The following ZNF775 variants were observed in gnomAD, a reference collection of about 807,000 sequenced individuals.
The protein encoded by ZNF775 is zinc finger protein 775.
ZNF775 carries 1 observed loss-of-function variant against 2.4 expected under a neutral mutation model. The ratio of observed to expected loss-of-function variants is 0.41; its 90% CI spans 0.15 to 1.94. ZNF775 has a LOEUF of 1.94. Among genes scored for constraint, ZNF775 ranks in the 30% most tolerant of loss-of-function variants. ZNF775 has a pLI of 0.30. For missense variants in ZNF775, 823 were observed against 826.6 expected (o/e 1.00, Z 0.05); for synonymous variants, 381 against 373.3 (o/e 1.02, Z -0.24).
chr7:150,380,628 T>C (rs1585082281), intron 1 of ZNF775, among the ~76,000 whole-genome samples: 1 of 151,930 alleles, frequency 6.6e-6, no homozygotes, highest in Admixed American at 6.6e-5. Flanking sequence ...CGTGTCGGGG[T>C]GCAATGGGGA....
chr7:150,386,468 G>A (rs559707750), intron 1 of ZNF775, among the ~76,000 whole-genome samples: 19 of 152,258 alleles, frequency 1.2e-4, no homozygotes, highest in Non-Finnish European at 2.2e-4. Context: ...CTCTTGTCAG[G>A]GTCCAGATTC....
intron 1 of ZNF775, among the ~76,000 whole-genome samples, chr7:150,381,227 C>T (rs74916550): frequency 6.6e-6 from 1 of 152,006 alleles, no homozygotes; most frequent in Non-Finnish European, 1.5e-5. Flanking sequence ...TTCCAGCAAG[C>T]GTGTTTACCT....
Position 150,397,832 on chromosome 7 carries a change from TGCG to T in ZNF775, c.1354_1356del (p.Gly452del). 1 of 1,599,530 alleles carries T rather than the reference TGCG, an allele frequency of 6.3e-7. No homozygotes were observed. Among genetic ancestry groups the T allele is most frequent in the Non-Finnish European group, 8.5e-7 (1 of 1,176,736 alleles). ...GCCGCGCCAGTTCATCTGCAACGAG[TGCG>T]GCAAGAGCTTCTCGTGGTGGTCGGC... On this transcript the variant is annotated inframe_deletion, in exon 3 of 3. Transcript: ENST00000329630.
intron 2 of ZNF775, 26 bp downstream of exon 2, chr7:150,388,527 G>A: frequency 1.3e-6 from 2 of 1,551,622 alleles, no homozygotes; most frequent in Non-Finnish European, 1.7e-6. Flanking sequence ...GAGGAGGCAG[G>A]GGAGCGGGGT....
chr7:150,395,346 G>A (rs1800629678), intron 2 of ZNF775, among the ~76,000 whole-genome samples: 1 of 152,070 alleles, frequency 6.6e-6, no homozygotes, highest in African/African-American at 2.4e-5. Flanking sequence ...ATTTTGTTGG[G>A]TTTGTAACGT....
At position 150,388,348 on chromosome 7, in the gene ZNF775, G is replaced by T. The variant is rs142567786; in HGVS notation, c.-49-74G>T. The T allele has an allele frequency of 6.9e-3, 8,056 of 1,163,934 alleles. 42 individuals are homozygous for T. The highest frequency in any genetic ancestry group is 8.6e-3 in the Non-Finnish European group (6,943 of 807,560). The allele number at this position is 1,163,934 out of a possible 1,614,324, so 72.1% of individuals were successfully genotyped here. On this transcript the variant is annotated intron_variant, in intron 1 of 2. Coordinates refer to ENST00000329630, the MANE Select transcript of ZNF775 (RefSeq NM_173680.4). The stretch of plus-strand genomic sequence containing the variant: ...AAAGAGAGTGCTTTATGGGATGGGA[G>T]GGGGGCTGGGGACCCTGAGTTTTGT...
At chr7:150,395,522 C>T (rs973861778) in intron 2 of ZNF775, among the ~76,000 whole-genome samples, 3 of 152,224 alleles carry the variant, frequency 2.0e-5, no homozygotes, top group Non-Finnish European at 4.4e-5. Context: ...GAGAACATTG[C>T]CAGAACCTCA....
At chr7:150,386,094 C>G (rs993906877) in intron 1 of ZNF775, among the ~76,000 whole-genome samples, 4 of 152,260 alleles carry the variant, frequency 2.6e-5, no homozygotes, top group Middle Eastern at 6.8e-3. Flanking sequence ...TGCCACTACA[C>G]CCAGCTAAGT....
At chr7:150,381,601 G>A (rs1420431268) in intron 1 of ZNF775, among the ~76,000 whole-genome samples, 1 of 116,180 alleles carries the variant, frequency 8.6e-6, no homozygotes, top group East Asian at 2.9e-4. Flanking sequence ...TCTGTACCAC[G>A]AGCAAGCGTT....
intron 2 of ZNF775, among the ~76,000 whole-genome samples, chr7:150,396,195 G>T (rs1281218387): frequency 2.6e-5 from 4 of 152,092 alleles, no homozygotes; most frequent in African/African-American, 9.7e-5. Flanking sequence ...CAGAGCAGCC[G>T]GTGCCTCGGG....
chr7:150,394,170 T>C (rs4725339), intron 2 of ZNF775, among the ~76,000 whole-genome samples: 62,541 of 152,188 alleles, frequency 0.41, 13,425 homozygotes, highest in Admixed American at 0.48. Context: ...TCTAAGAATA[T>C]GATATACATT....
chr7:150,396,468 C>T (rs759355950), intron 2 of ZNF775, 45 bp from the exon 3 acceptor site: 1 of 1,527,194 alleles, frequency 6.5e-7, no homozygotes, highest in South Asian at 1.2e-5. Flanking sequence ...CCCAGCGGAG[C>T]AGCAGTGACC....
chr7:150,388,962 G>A (rs1003003645), intron 2 of ZNF775, among the ~76,000 whole-genome samples: 6 of 152,240 alleles, frequency 3.9e-5, no homozygotes, highest in South Asian at 2.1e-4. Context: ...TGGCTAAGCC[G>A]CTTAGAGCTG....
Position 150,388,502 on chromosome 7 carries a change from G to T in ZNF775, c.31+1G>T. ...AGTGGCCTGGCTGGCAACGGCACAGGTAAGAGAGAAGAAAGAGGAGGCAGG... is the reference window on the plus strand; with the variant it reads ...AGTGGCCTGGCTGGCAACGGCACAGTTAAGAGAGAAGAAAGAGGAGGCAGG... On this transcript the variant is annotated splice_donor_variant, in intron 2 of 2. Coordinates refer to ENST00000329630, the MANE Select transcript of ZNF775 (RefSeq NM_173680.4). LOFTEE classifies it high-confidence loss of function. 1.3e-6 allele frequency: 2 copies of T among 1,551,872 alleles called. No individual in the cohort carries two copies. The highest frequency in any genetic ancestry group is 1.7e-6 in the Non-Finnish European group (2 of 1,147,074).
At chr7:150,388,535 G>C in intron 2 of ZNF775, 34 bp downstream of exon 2, 37 of 1,551,352 alleles carry the variant, frequency 2.4e-5, no homozygotes, top group Non-Finnish European at 3.2e-5. Flanking sequence ...AGGGGAGCGG[G>C]GTCTCCTCTG....
chr7:150,395,912 A>T (rs533014956), intron 2 of ZNF775, among the ~76,000 whole-genome samples: 3 of 152,150 alleles, frequency 2.0e-5, no homozygotes, highest in Non-Finnish European at 2.9e-5. Context: ...AGGTCCCAGC[A>T]GGTGAAGTGC....
chr7:150,381,770 G>A (rs1355132739), intron 1 of ZNF775, among the ~76,000 whole-genome samples: 4 of 152,186 alleles, frequency 2.6e-5, no homozygotes, highest in East Asian at 1.9e-4. Context: ...ACAGTGGCCC[G>A]CCCTTTCCCT....
intron 2 of ZNF775, among the ~76,000 whole-genome samples, chr7:150,393,248 A>T (rs1800591322): frequency 6.6e-6 from 1 of 151,922 alleles, no homozygotes; most frequent in Non-Finnish European, 1.5e-5. Flanking sequence ...GTAGCCTTTT[A>T]TGTTGACGTC....
In ZNF775 at chr7:150,397,502, C is replaced by T. The variant is rs62503787; in HGVS notation, c.1021C>T (p.His341Tyr). Residue 341 changes from histidine (H) to tyrosine (Y), a missense_variant, in exon 3 of 3, where the codon CAC becomes TAC. His to Tyr is a moderately conservative substitution (Grantham distance 83). Transcript: ENST00000329630. ...AGGCGAGCGCCCGCACCCCTGCCCGCACTGTGGCCGCGGCTTCCGCCAGAA... is the reference window on the plus strand; with the variant it reads ...AGGCGAGCGCCCGCACCCCTGCCCGTACTGTGGCCGCGGCTTCCGCCAGAA... ...HTGERPHPCP[H>Y]CGRGFRQKQH... 6.3e-7 allele frequency: 1 copy of T among 1,577,332 alleles called. No homozygotes were observed. Among genetic ancestry groups the T allele is most frequent in the Non-Finnish European group, 8.6e-7 (1 of 1,168,830 alleles).
Sources: gnomAD v4.1 joint callset for allele counts (sites outside exome capture counted in the v4.1 genomes callset) on GRCh38, gnomAD v4.1.1 for gene constraint, MANE v1.5 for transcripts, NCBI Gene and HGNC (gene_info 2026-07-23, HGNC 2026-07-21) for gene names.